Variants in FKBP5 observed in about 807,000 individuals in gnomAD.
FKBP5 encodes peptidyl-prolyl cis-trans isomerase FKBP5.
A neutral mutation model predicts 50.5 loss-of-function variants in FKBP5; 23 were observed. The ratio of observed to expected loss-of-function variants is 0.46; its 90% CI spans 0.33 to 0.65. FKBP5 has a LOEUF of 0.65. Among genes scored for constraint, FKBP5 ranks in the 30% least tolerant of loss-of-function variants. The pLI, the probability that FKBP5 is intolerant of heterozygous loss-of-function variation, is 0.02. For synonymous variants in FKBP5, 176 were observed against 190.6 expected, an observed-to-expected ratio of 0.92 and a Z score of 0.63; for missense variants, 411 against 553.1, an observed-to-expected ratio of 0.74 and a Z score of 2.58.
chr6:35,719,094 TCC>T (rs1766561873), intron 2 of FKBP5, among the ~76,000 whole-genome samples: 1 of 152,186 alleles, frequency 6.6e-6, no homozygotes, highest in Admixed American at 6.5e-5. Context: ...AGCCCTCTGG[TCC>T]CAACCCTGAG....
At chr6:35,605,381 A>ATTTT (rs1763276703) in intron 5 of FKBP5, among the ~76,000 whole-genome samples, 11 of 90,388 alleles carry the variant, frequency 1.2e-4, no homozygotes, top group Non-Finnish European at 2.1e-4. Flanking sequence ...CTATGACAAT[A>ATTTT]TCTTTTTTTT....
In FKBP5 at chr6:35,701,922, A is replaced by G. The variant is rs147929808; in HGVS notation, c.-20+18406T>C. Among the ~76,000 whole-genome samples the G allele has an allele frequency of 8.6e-3, 1,296 of 151,334 alleles. 18 individuals are homozygous for G. The highest frequency in any genetic ancestry group is 0.03 in the African/African-American group (1,217 of 41,168). On this transcript the variant is annotated intron_variant, in intron 2 of 11. Coordinates refer to the FKBP5 transcript ENST00000536438. ...GAGTGCAATGGCATGATTTCGGCTC[A>G]CTGCAACCTCTGCCTCCCAGGCTCA...
At chr6:35,668,480 T>C (rs1485058175) in intron 1 of FKBP5, among the ~76,000 whole-genome samples, 1 of 152,240 alleles carries the variant, frequency 6.6e-6, no homozygotes, top group Non-Finnish European at 1.5e-5. Flanking sequence ...TTAAGTGACA[T>C]GTAATACAGC....
chr6:35,721,616 C>T (rs7747780), intron 1 of FKBP5, among the ~76,000 whole-genome samples: 3 of 152,048 alleles, frequency 2.0e-5, no homozygotes, highest in East Asian at 1.9e-4. Context: ...CTACCACGCC[C>T]GGCTAATTTG....
intron 3 of FKBP5, among the ~76,000 whole-genome samples, chr6:35,631,800 CA>C (rs1398351031): frequency 1.3e-5 from 2 of 151,740 alleles, no homozygotes; most frequent in Non-Finnish European, 2.9e-5. Context: ...ACTAAAAATA[CA>C]AAAATTAGCC....
intron 1 of FKBP5, among the ~76,000 whole-genome samples, chr6:35,658,416 G>A (rs1765018517): frequency 6.6e-6 from 1 of 150,804 alleles, no homozygotes; most frequent in South Asian, 2.1e-4. Flanking sequence ...GAACAATGCT[G>A]AACACAATTG....
intron 2 of FKBP5, among the ~76,000 whole-genome samples, chr6:35,641,841 C>T (rs1764500398): frequency 6.6e-6 from 1 of 151,676 alleles, no homozygotes; most frequent in African/African-American, 2.4e-5. Flanking sequence ...CCTGTCTCTA[C>T]AAAAATTAGC....
chr6:35,705,233 TATATATATATATATATATATATATA>T (rs1561903568), intron 2 of FKBP5, among the ~76,000 whole-genome samples: 167 of 3,548 alleles, frequency 0.047, 1 homozygote, highest in African/African-American at 0.23. Context: ...TATATATATA[TATATATATATATATATATATATATA>T]TTTTTTTTTT....
intron 8 of FKBP5, chr6:35,583,452 AT>A (rs1183668334): frequency 2.0e-6 from 2 of 985,292 alleles, no homozygotes; most frequent in Non-Finnish European, 1.2e-6. Context: ...GGGCATTTTA[AT>A]TTTTTGAAAG....
intron 5 of FKBP5, among the ~76,000 whole-genome samples, chr6:35,603,758 G>A (rs1317992926): frequency 6.6e-6 from 1 of 151,740 alleles, no homozygotes; most frequent in Non-Finnish European, 1.5e-5. Flanking sequence ...GCGTGATCTT[G>A]CCTCACTACA....
intron 3 of FKBP5, among the ~76,000 whole-genome samples, chr6:35,632,956 CAA>C (rs1035719435): frequency 2.0e-5 from 3 of 151,642 alleles, no homozygotes; most frequent in Admixed American, 6.6e-5. Context: ...ATACACAAAG[CAA>C]AAGACATATA....
intron 2 of FKBP5, among the ~76,000 whole-genome samples, chr6:35,705,714 G>A (rs1284740485): frequency 2.6e-5 from 4 of 152,158 alleles, no homozygotes; most frequent in Admixed American, 6.5e-5. Context: ...TGGGGGTGAG[G>A]AGGGTGAGGG....
At chr6:35,576,042 G>A (rs555678573) in intron 10 of FKBP5, 100 bp from the exon 11 acceptor site, 6 of 836,834 alleles carry the variant, frequency 7.2e-6, no homozygotes, top group South Asian at 5.5e-5. Context: ...ACGAGGTATT[G>A]CAATGATTTT....
chr6:35,589,110 T>TTATATATATATATATATATATTTTTA (rs1169766848), intron 7 of FKBP5, among the ~76,000 whole-genome samples: 8 of 102,956 alleles, frequency 7.8e-5, no homozygotes, highest in Admixed American at 2.3e-4. Context: ...ATATATATTT[T>TTATATATATATATATATATATTTTTA]TATATATATA....
intron 6 of FKBP5, among the ~76,000 whole-genome samples, chr6:35,593,357 T>C (rs1465679517): frequency 6.6e-6 from 1 of 152,184 alleles, no homozygotes; most frequent in East Asian, 1.9e-4. Flanking sequence ...TTAATGTGCA[T>C]ATAAGAAGCA....
In FKBP5 at chr6:35,626,154, T is replaced by C. The variant is rs192405075; in HGVS notation, c.251-5880A>G. Among the ~76,000 whole-genome samples the C allele has an allele frequency of 2.6e-3, 398 of 152,300 alleles. 14 individuals are homozygous for C. The highest frequency in any genetic ancestry group is 0.025 in the Admixed American group (385 of 15,296). ...ACACAATTTATCAATTTCAGGAGTCTTATTCCATTTGTAATAAAATATAAA... is the reference window on the plus strand; with the variant it reads ...ACACAATTTATCAATTTCAGGAGTCCTATTCCATTTGTAATAAAATATAAA... On this transcript the variant is annotated intron_variant, in intron 3 of 10. Coordinates refer to ENST00000357266, the MANE Select transcript of FKBP5 (RefSeq NM_004117.4).
chr6:35,689,818 A>C (rs1765949090), upstream of FKBP5, among the ~76,000 whole-genome samples: 1 of 152,080 alleles, frequency 6.6e-6, no homozygotes, highest in African/African-American at 2.4e-5. Context: ...GCCTGGTGAC[A>C]GAGCAAGACT....
intron 3 of FKBP5, among the ~76,000 whole-genome samples, chr6:35,635,026 C>CAAAAAAAAAAAAAA (rs35794477): frequency 1.5e-3 from 109 of 75,112 alleles, no homozygotes; most frequent in African/African-American, 2.8e-3. Context: ...CCTGTCTCTA[C>CAAAAAAAAAAAAAA]AAAAAAAAAA....
intron 1 of FKBP5, among the ~76,000 whole-genome samples, chr6:35,668,678 TTTTG>T (rs1391957855): frequency 5.9e-5 from 9 of 152,088 alleles, no homozygotes; most frequent in African/African-American, 1.9e-4. Context: ...ATGTGTTTTG[TTTTG>T]TTTGTTATTA....
Sources: gnomAD v4.1 joint callset for allele counts (sites outside exome capture counted in the v4.1 genomes callset) on GRCh38, gnomAD v4.1.1 for gene constraint, MANE v1.5 for transcripts, NCBI Gene and HGNC (gene_info 2026-07-23, HGNC 2026-07-21) for gene names.